The following MACROD2 variants were observed in gnomAD, a reference collection of about 807,000 sequenced individuals.
The protein encoded by MACROD2 is ADP-ribose glycohydrolase MACROD2.
In MACROD2, 36 loss-of-function variants were observed where a neutral mutation model predicts 70.4. That is an observed-to-expected ratio of 0.51 (90% CI 0.39 to 0.68). The LOEUF (loss-of-function observed/expected upper bound fraction) is 0.68, where lower values mean the gene tolerates loss of function less well. Among genes scored for constraint, MACROD2 ranks in the 30% least tolerant of loss-of-function variants. MACROD2 has a pLI of 0.00. For missense variants in MACROD2, 496 were observed against 538.4 expected, an observed-to-expected ratio of 0.92 and a Z score of 0.78; for synonymous variants, 172 against 178.8, an observed-to-expected ratio of 0.96 and a Z score of 0.30.
intron 15 of MACROD2, among the ~76,000 whole-genome samples, chr20:16,018,735 C>CT (rs942674946): frequency 1.2e-4 from 18 of 152,092 alleles, no homozygotes; most frequent in South Asian, 4.2e-4. Context: ...TTATACAAAT[C>CT]TTTTTTTTCC....
intron 6 of MACROD2, among the ~76,000 whole-genome samples, chr20:15,260,003 A>G (rs898334232): frequency 2.0e-5 from 3 of 151,964 alleles, no homozygotes; most frequent in African/African-American, 4.8e-5. Context: ...TATTTAAATT[A>G]TGGATGCATA....
At chr20:15,166,220 G>A (rs1274252449) in intron 5 of MACROD2, among the ~76,000 whole-genome samples, 3 of 152,154 alleles carry the variant, frequency 2.0e-5, no homozygotes, top group African/African-American at 7.2e-5. Flanking sequence ...TGGACTGAAT[G>A]TGTACTTCCA....
At chr20:14,140,901 T>C (rs755121555) in intron 3 of MACROD2, among the ~76,000 whole-genome samples, 1 of 152,210 alleles carries the variant, frequency 6.6e-6, no homozygotes, top group Non-Finnish European at 1.5e-5. Context: ...AAAAACAAAG[T>C]TGAAATTTAC....
At chr20:14,281,897 A>T (rs2876376) in intron 3 of MACROD2, among the ~76,000 whole-genome samples, 94,131 of 145,430 alleles carry the variant, frequency 0.65, 31,414 homozygotes, top group Non-Finnish European at 0.73. Context: ...ATCCCACCAC[A>T]GCACTCCAGC....
intron 4 of MACROD2, among the ~76,000 whole-genome samples, chr20:14,550,573 C>G (rs553091715): frequency 1.3e-5 from 2 of 152,102 alleles, no homozygotes; most frequent in South Asian, 2.1e-4. Flanking sequence ...TGAACTTAGA[C>G]GTTCCTACCA....
chr20:14,651,076 A>G (rs1222207736), intron 4 of MACROD2, among the ~76,000 whole-genome samples: 1 of 152,224 alleles, frequency 6.6e-6, no homozygotes, highest in Non-Finnish European at 1.5e-5. Flanking sequence ...TGTCCAAAAC[A>G]GGGTTCTAGG....
chr20:15,651,174 G>A (rs6034245), intron 8 of MACROD2, among the ~76,000 whole-genome samples: 1,665 of 152,218 alleles, frequency 0.011, 23 homozygotes, highest in African/African-American at 0.038. Context: ...CCCCAGAGGC[G>A]GTCCTTGTGC....
chr20:14,218,805 T>A (rs2081645703), intron 3 of MACROD2, among the ~76,000 whole-genome samples: 1 of 152,214 alleles, frequency 6.6e-6, no homozygotes, highest in African/African-American at 2.4e-5. Flanking sequence ...TTAGTTTCCC[T>A]GGATACAAAA....
chr20:15,387,847 A>G (rs186910483), intron 6 of MACROD2, among the ~76,000 whole-genome samples: 6 of 151,296 alleles, frequency 4.0e-5, no homozygotes, highest in Non-Finnish European at 8.8e-5. Context: ...AACTCCTGAG[A>G]TCCTCTAGCC....
chr20:14,716,606 T>C (rs2071399616), intron 5 of MACROD2, among the ~76,000 whole-genome samples: 1 of 152,184 alleles, frequency 6.6e-6, no homozygotes, highest in African/African-American at 2.4e-5. Context: ...AACAATACAA[T>C]GTTAGCGATT....
chr20:15,609,146 T>C (rs765800774), intron 8 of MACROD2, among the ~76,000 whole-genome samples: 1 of 152,168 alleles, frequency 6.6e-6, no homozygotes, highest in Admixed American at 6.5e-5. Flanking sequence ...CTGGCTCCAA[T>C]GGCCCACCCA....
chr20:14,462,574 A>G (rs2084385250), intron 3 of MACROD2, among the ~76,000 whole-genome samples: 1 of 144,716 alleles, frequency 6.9e-6, no homozygotes, highest in African/African-American at 2.5e-5. Context: ...TTTTGTTGCC[A>G]TTGCTTTTGG....
chr20:16,044,256 C>T (rs1191420567), intron 16 of MACROD2, among the ~76,000 whole-genome samples: 1 of 152,042 alleles, frequency 6.6e-6, no homozygotes, highest in Non-Finnish European at 1.5e-5. Flanking sequence ...TGAGCTCACT[C>T]ATCACTAAGA....
At chr20:15,595,476 G>A (rs1186547684) in intron 8 of MACROD2, among the ~76,000 whole-genome samples, 1 of 152,060 alleles carries the variant, frequency 6.6e-6, no homozygotes, top group African/African-American at 2.4e-5. Flanking sequence ...AATCATTTAA[G>A]TTTATTCATT....
At chr20:15,051,111 A>G (rs1437855708) in intron 5 of MACROD2, among the ~76,000 whole-genome samples, 1 of 146,398 alleles carries the variant, frequency 6.8e-6, no homozygotes. Flanking sequence ...AAGAGAACCC[A>G]CTTTTCTGTC....
chr20:14,210,987 G>T (rs2081566916), intron 3 of MACROD2, among the ~76,000 whole-genome samples: 1 of 152,180 alleles, frequency 6.6e-6, no homozygotes, highest in Admixed American at 6.5e-5. Context: ...ATGCATTGAG[G>T]TTTCAAGTCT....
At chr20:14,589,791 C>T (rs1981638398) in intron 4 of MACROD2, among the ~76,000 whole-genome samples, 1 of 152,088 alleles carries the variant, frequency 6.6e-6, no homozygotes, top group African/African-American at 2.4e-5. Context: ...AGTTCTAACC[C>T]CAACCAGCTG....
intron 7 of MACROD2, among the ~76,000 whole-genome samples, chr20:15,476,628 G>A (rs1228908659): frequency 6.6e-6 from 1 of 151,762 alleles, no homozygotes; most frequent in East Asian, 1.9e-4. Flanking sequence ...CCTTACTTTG[G>A]TGTTTCCCTG....
intron 7 of MACROD2, among the ~76,000 whole-genome samples, chr20:15,490,919 C>A (rs2047224021): frequency 6.6e-6 from 1 of 152,106 alleles, no homozygotes. Context: ...AACAAATTAT[C>A]TTTGCCTCTT....
Sources: gnomAD v4.1 joint callset for allele counts (sites outside exome capture counted in the v4.1 genomes callset) on GRCh38, gnomAD v4.1.1 for gene constraint, MANE v1.5 for transcripts, NCBI Gene and HGNC (gene_info 2026-07-23, HGNC 2026-07-21) for gene names.